Variants in GRM8 observed in about 807,000 individuals in gnomAD.
GRM8 encodes metabotropic glutamate receptor 8.
Under a neutral mutation model 87.2 loss-of-function variants are expected in GRM8, and 47 were observed. That is an observed-to-expected ratio of 0.54 (90% confidence interval 0.43 to 0.69). GRM8 has a LOEUF of 0.69. Among genes scored for constraint, GRM8 ranks in the 30% least tolerant of loss-of-function variants. The pLI is 0.00. For missense variants in GRM8, 1,019 were observed against 1,139.2 expected, an observed-to-expected ratio of 0.89 and a Z score of 1.52; for synonymous variants, 396 against 404.5, an observed-to-expected ratio of 0.98 and a Z score of 0.25.
At chr7:126,474,319 A>G (rs1022884745) in intron 9 of GRM8, among the ~76,000 whole-genome samples, 8 of 152,112 alleles carry the variant, frequency 5.3e-5, no homozygotes, top group Non-Finnish European at 1.2e-4. Flanking sequence ...CCCAGCCTAG[A>G]GTGCAGTGGC....
In GRM8 at chr7:127,067,736, T is replaced by C. The variant is rs538071677; in HGVS notation, c.727+38760A>G. 2.0e-5 allele frequency among the ~76,000 whole-genome samples: 3 copies of C among 152,350 alleles called. No individual in the cohort carries two copies. The East Asian group carries it at 5.8e-4, about 29-fold the overall frequency. On this transcript the variant is annotated intron_variant, in intron 3 of 10. Transcript: ENST00000339582. ...TTAGATAAAACTGACATTTCTTTTATAGCAAAAGTAAACTCAATCCAATTT... is the reference window on the plus strand; with the variant it reads ...TTAGATAAAACTGACATTTCTTTTACAGCAAAAGTAAACTCAATCCAATTT...
chr7:127,067,959 T>C (rs11563744), intron 3 of GRM8, among the ~76,000 whole-genome samples: 38,949 of 152,040 alleles, frequency 0.26, 5,885 homozygotes, highest in Non-Finnish European at 0.35. Context: ...GGAGATATGG[T>C]TTATAATTAC....
intron 7 of GRM8, among the ~76,000 whole-genome samples, chr7:126,734,813 G>C (rs548432727): frequency 6.6e-6 from 1 of 152,142 alleles, no homozygotes; most frequent in East Asian, 1.9e-4. Flanking sequence ...GAACTTATCA[G>C]GTAAGAGTAA....
At chr7:126,978,995 T>C (rs768160199) in intron 3 of GRM8, among the ~76,000 whole-genome samples, 2 of 152,242 alleles carry the variant, frequency 1.3e-5, no homozygotes, top group Non-Finnish European at 2.9e-5. Context: ...CTAAATATAA[T>C]AGTCTGTCTG....
In GRM8 at chr7:127,242,713, G is replaced by C; in HGVS notation, c.492C>G (p.Asn164Lys). The part of the protein sequence containing the change: ...AASSVSIMVA[N>K]ILRLFKIPQI... ...TACCTACCTTAAAAAGTCTTAAAAT[G>C]TTAGCAACCATGATGGACACGGAGC... Residue 164 changes from asparagine to lysine, a missense_variant, in exon 2 of 11, where the codon AAC becomes AAG. Physicochemically the swap from Asn to Lys is moderately conservative, Grantham distance 94 (BLOSUM62 0). Transcript: ENST00000339582. 6.2e-7 allele frequency: 1 copy of C among 1,613,862 alleles called. No homozygotes were observed. Among genetic ancestry groups the C allele is most frequent in the Non-Finnish European group, 8.5e-7 (1 of 1,179,934 alleles).
intron 8 of GRM8, among the ~76,000 whole-genome samples, chr7:126,602,804 G>A (rs1435825698): frequency 6.7e-6 from 1 of 149,530 alleles, no homozygotes; most frequent in Non-Finnish European, 1.5e-5. Flanking sequence ...TCTACCAGAG[G>A]TACAAGGAGG....
chr7:126,552,041 T>G (rs1159193632), intron 8 of GRM8, among the ~76,000 whole-genome samples: 1 of 152,126 alleles, frequency 6.6e-6, no homozygotes, highest in African/African-American at 2.4e-5. Flanking sequence ...TTTACATGTC[T>G]CTATTTACTC....
intron 7 of GRM8, among the ~76,000 whole-genome samples, chr7:126,748,907 G>A (rs1488772589): frequency 1.3e-5 from 2 of 151,850 alleles, no homozygotes; most frequent in African/African-American, 4.8e-5. Flanking sequence ...TTCAAATACT[G>A]GTAGTAGAAC....
intron 8 of GRM8, among the ~76,000 whole-genome samples, chr7:126,555,542 T>G (rs1489459311): frequency 6.6e-6 from 1 of 151,746 alleles, no homozygotes; most frequent in Non-Finnish European, 1.5e-5. Flanking sequence ...TTTACTATAT[T>G]TGTTATATTT....
intron 7 of GRM8, among the ~76,000 whole-genome samples, chr7:126,661,686 T>C (rs1030846162): frequency 2.0e-5 from 3 of 152,184 alleles, no homozygotes; most frequent in Non-Finnish European, 4.4e-5. Context: ...GGAGACTTTA[T>C]GTGCCTCACT....
chr7:126,439,825 AG>A (rs1801248800), intron 10 of GRM8, among the ~76,000 whole-genome samples: 1 of 142,570 alleles, frequency 7.0e-6, no homozygotes, highest in African/African-American at 2.6e-5. Flanking sequence ...GGCCTAGGCT[AG>A]TGTGTGTGTG....
chr7:127,117,640 A>G (rs2133162207), intron 2 of GRM8, among the ~76,000 whole-genome samples: 1 of 152,338 alleles, frequency 6.6e-6, no homozygotes, highest in Middle Eastern at 3.4e-3. Flanking sequence ...TAATAGAAAA[A>G]CCAAAACGAT....
At chr7:126,884,974 G>A (rs1352967472) in intron 6 of GRM8, among the ~76,000 whole-genome samples, 2 of 152,172 alleles carry the variant, frequency 1.3e-5, no homozygotes, top group Admixed American at 6.6e-5. Context: ...GCAAACAGCT[G>A]AAGGAAGTAT....
chr7:127,053,989 A>G (rs955319738), intron 3 of GRM8, among the ~76,000 whole-genome samples: 8 of 152,184 alleles, frequency 5.3e-5, no homozygotes, highest in South Asian at 2.1e-4. Flanking sequence ...TGAGAGGTAG[A>G]TACTTCTTAA....
chr7:126,723,515 T>C (rs1164456797), intron 7 of GRM8, among the ~76,000 whole-genome samples: 1 of 150,694 alleles, frequency 6.6e-6, no homozygotes, highest in Non-Finnish European at 1.5e-5. Context: ...ATCAGAACAA[T>C]GGCTCAAGAA....
chr7:126,477,803 T>C (rs1806172860), intron 9 of GRM8, among the ~76,000 whole-genome samples: 1 of 152,162 alleles, frequency 6.6e-6, no homozygotes, highest in Admixed American at 6.6e-5. Flanking sequence ...GTTACTTTCC[T>C]GTGGCTGTTC....
chr7:127,154,703 G>T (rs1426727270), intron 2 of GRM8, among the ~76,000 whole-genome samples: 5 of 151,576 alleles, frequency 3.3e-5, no homozygotes, highest in Admixed American at 6.6e-5. Flanking sequence ...AATTCTTTTT[G>T]ATTTCCTTTT....
intron 8 of GRM8, among the ~76,000 whole-genome samples, chr7:126,591,424 A>T (rs1244026703): frequency 6.6e-6 from 1 of 152,130 alleles, no homozygotes; most frequent in Non-Finnish European, 1.5e-5. Context: ...CAACACATTA[A>T]TAGTGGGGGA....
chr7:126,500,567 A>G (rs965188330), intron 9 of GRM8, among the ~76,000 whole-genome samples: 1 of 152,046 alleles, frequency 6.6e-6, no homozygotes, highest in Non-Finnish European at 1.5e-5. Context: ...CTTAGAGGAA[A>G]GATCAGAGAT....
Sources: allele counts gnomAD v4.1 joint callset (sites outside exome capture counted in the v4.1 genomes callset), GRCh38; gene constraint gnomAD v4.1.1; transcripts MANE v1.5; gene names NCBI Gene and HGNC (gene_info 2026-07-23, HGNC 2026-07-21).